Variants in CREB5 observed in about 807,000 individuals in gnomAD.
CREB5 encodes cyclic AMP-responsive element-binding protein 5.
Under a neutral mutation model 57.1 loss-of-function variants are expected in CREB5, and 19 were observed. The observed-to-expected ratio is 0.33, with a 90% CI of 0.23 to 0.49. The LOEUF (loss-of-function observed/expected upper bound fraction) is 0.49. CREB5 is among the 20% of genes least tolerant of loss of function. The pLI, the probability that CREB5 is intolerant of heterozygous loss-of-function variation, is 0.99. For synonymous variants in CREB5, 238 were observed against 238.3 expected (o/e 1.00, Z 0.01); for missense variants, 579 against 671.6 (o/e 0.86, Z 1.52).
chr7:28,716,954 C>T (rs1018407771), intron 5 of CREB5, among the ~76,000 whole-genome samples: 8 of 152,180 alleles, frequency 5.3e-5, no homozygotes, highest in Non-Finnish European at 1.2e-4. Context: ...TCTGCTTATC[C>T]GAAAGCACTC....
At position 28,622,778 on chromosome 7, in the gene CREB5, T is replaced by G. The variant is rs1797854614; in HGVS notation, c.464+52241T>G. Among the ~76,000 whole-genome samples the G allele has an allele frequency of 2.0e-5, 3 of 152,130 alleles. No homozygotes were observed. In the South Asian group the frequency reaches 6.2e-4, roughly 32 times the overall value. ...GCTCATGCCTGTAATCCTAGAACTTTGGGAGGCCGAGGCAAAAGGATCACT... is the reference window on the plus strand; with the variant it reads ...GCTCATGCCTGTAATCCTAGAACTTGGGGAGGCCGAGGCAAAAGGATCACT... On this transcript the variant is annotated intron_variant, in intron 5 of 10. Transcript: ENST00000357727.
intron 1 of CREB5, among the ~76,000 whole-genome samples, chr7:28,320,252 A>G (rs1306732085): frequency 1.3e-5 from 2 of 152,102 alleles, no homozygotes; most frequent in African/African-American, 4.8e-5. Flanking sequence ...TCTTGATGTA[A>G]CACCAATCCC....
At chr7:28,635,053 G>A (rs933929848) in intron 5 of CREB5, among the ~76,000 whole-genome samples, 2 of 152,120 alleles carry the variant, frequency 1.3e-5, no homozygotes, top group Non-Finnish European at 2.9e-5. Context: ...ACTTGGGGCT[G>A]TTTATTCCAG....
At chr7:28,405,873 G>A (rs1347491091) in intron 1 of CREB5, among the ~76,000 whole-genome samples, 2 of 152,136 alleles carry the variant, frequency 1.3e-5, no homozygotes, top group Admixed American at 6.5e-5. Context: ...TGGTAGGTGG[G>A]GAGTTCCCCA....
chr7:28,652,232 T>G (rs1157209651), intron 5 of CREB5, among the ~76,000 whole-genome samples: 1 of 152,212 alleles, frequency 6.6e-6, no homozygotes, highest in African/African-American at 2.4e-5. Context: ...CAATATTAGT[T>G]ATTAAAATTA....
At chr7:28,392,114 G>A (rs1164544400) in intron 1 of CREB5, among the ~76,000 whole-genome samples, 2 of 152,126 alleles carry the variant, frequency 1.3e-5, no homozygotes, top group Non-Finnish European at 2.9e-5. Context: ...ACACGCTGGG[G>A]CCTACCTGAG....
chr7:28,377,552 A>G (rs952765559), intron 1 of CREB5, among the ~76,000 whole-genome samples: 2 of 151,948 alleles, frequency 1.3e-5, no homozygotes, highest in African/African-American at 2.4e-5. Flanking sequence ...TTTTTGAAAG[A>G]CTGCTATCGT....
At chr7:28,567,625 C>T (rs1163393168) in intron 4 of CREB5, among the ~76,000 whole-genome samples, 2 of 152,148 alleles carry the variant, frequency 1.3e-5, no homozygotes, top group Admixed American at 6.5e-5. Context: ...GAGATGGTGC[C>T]CATCACTTCG....
chr7:28,542,238 T>C (rs1402364295), intron 4 of CREB5, among the ~76,000 whole-genome samples: 1 of 152,216 alleles, frequency 6.6e-6, no homozygotes, highest in African/African-American at 2.4e-5. Context: ...TTGCCTAAAG[T>C]AACACAGTTA....
intron 1 of CREB5, among the ~76,000 whole-genome samples, chr7:28,311,138 C>CAAAAA (rs58272820): frequency 0.43 from 50,137 of 117,058 alleles, 12,436 homozygotes; most frequent in East Asian, 0.84. Context: ...ACTAAAAATA[C>CAAAAA]AAAAAAAAAA....
At chr7:28,389,657 C>A (rs1396192082) in intron 1 of CREB5, among the ~76,000 whole-genome samples, 1 of 147,614 alleles carries the variant, frequency 6.8e-6, no homozygotes, top group African/African-American at 2.5e-5. Flanking sequence ...TTAAAGGGTT[C>A]ATAAACTACA....
At position 28,505,594 on chromosome 7, in the gene CREB5, A is replaced by C. The variant is rs185985866; in HGVS notation, c.170-2022A>C. On this transcript the variant is annotated intron_variant, in intron 3 of 10. Coordinates refer to ENST00000357727, the MANE Select transcript of CREB5 (RefSeq NM_182898.4). ...GTTGTTGAAATTGTTTTCTACACAC[A>C]CAACAGAGCCCTTTGGATCAGGGAG... Among the ~76,000 whole-genome samples, 5 of 152,348 alleles carry C rather than the reference A, an allele frequency of 3.3e-5. No homozygotes were observed. In the East Asian group the frequency reaches 9.6e-4, roughly 29 times the overall value.
intron 5 of CREB5, among the ~76,000 whole-genome samples, chr7:28,630,643 C>T (rs969233799): frequency 1.3e-5 from 2 of 152,052 alleles, no homozygotes; most frequent in Non-Finnish European, 2.9e-5. Flanking sequence ...ACAAGCAATG[C>T]GTAAAGCATT....
chr7:28,687,539 G>A (rs41349), intron 5 of CREB5, among the ~76,000 whole-genome samples: 55,863 of 145,626 alleles, frequency 0.38, 11,182 homozygotes, highest in Middle Eastern at 0.48. Flanking sequence ...GACACCATCC[G>A]GCATTACTAG....
intron 7 of CREB5, among the ~76,000 whole-genome samples, chr7:28,793,460 T>C (rs1807847007): frequency 6.6e-6 from 1 of 152,210 alleles, no homozygotes; most frequent in African/African-American, 2.4e-5. Context: ...ATCTTGCTAT[T>C]TCCCAACAAC....
intron 1 of CREB5, among the ~76,000 whole-genome samples, chr7:28,467,785 G>A (rs1210517735): frequency 6.6e-6 from 1 of 152,172 alleles, no homozygotes; most frequent in African/African-American, 2.4e-5. Context: ...GGAAAGAGGT[G>A]GAGCTAATGG....
chr7:28,637,981 T>C (rs1798490278), intron 5 of CREB5, among the ~76,000 whole-genome samples: 1 of 152,150 alleles, frequency 6.6e-6, no homozygotes, highest in African/African-American at 2.4e-5. Context: ...TGACATCGTT[T>C]TTGGTGACTT....
At chr7:28,532,094 C>A (rs1793755262) in intron 4 of CREB5, among the ~76,000 whole-genome samples, 1 of 152,068 alleles carries the variant, frequency 6.6e-6, no homozygotes, top group Non-Finnish European at 1.5e-5. Context: ...CGCAAGACAC[C>A]AACATTTGTG....
At chr7:28,544,107 T>C (rs1326680734) in intron 4 of CREB5, among the ~76,000 whole-genome samples, 1 of 152,096 alleles carries the variant, frequency 6.6e-6, no homozygotes, top group African/African-American at 2.4e-5. Flanking sequence ...TTTTATAACT[T>C]AGCATTTATT....
Sources: gnomAD v4.1 joint callset for allele counts (sites outside exome capture counted in the v4.1 genomes callset) on GRCh38, gnomAD v4.1.1 for gene constraint, MANE v1.5 for transcripts, NCBI Gene and HGNC (gene_info 2026-07-23, HGNC 2026-07-21) for gene names.